ZNF560: variants seen among roughly 807,000 people sequenced by gnomAD.
The protein encoded by ZNF560 is zinc finger protein 560.
In ZNF560, 54 loss-of-function variants were observed where a neutral mutation model predicts 81.8. The observed-to-expected ratio is 0.66, with a 90% confidence interval of 0.53 to 0.83. ZNF560 has a LOEUF of 0.83. Ranked by LOEUF, ZNF560 falls within the 40% of genes least tolerant of loss-of-function variation. The probability of loss-of-function intolerance (pLI) is 0.00; values close to 1 mark genes in which losing one functional copy is unlikely to be tolerated. For synonymous variants in ZNF560, 321 were observed against 317.9 expected (o/e 1.01, Z -0.10); for missense variants, 940 against 932.4 (o/e 1.01, Z -0.11).
At chr19:9,480,483 A>G (rs148374099) in intron 2 of ZNF560, among the ~76,000 whole-genome samples, 4 of 152,182 alleles carry the variant, frequency 2.6e-5, no homozygotes, top group Admixed American at 6.5e-5. Flanking sequence ...CACCTTGAGG[A>G]CTTAGAAGAA....
At position 9,466,481 on chromosome 19, in the gene ZNF560, T is replaced by C. The variant is rs540153983; in HGVS notation, c.*93A>G. 7 of 1,156,708 alleles carry C rather than the reference T, an allele frequency of 6.1e-6. No individual in the cohort carries two copies. The highest frequency in any genetic ancestry group is 8.6e-6 in the Non-Finnish European group (7 of 810,536). The allele number at this position is 1,156,708 out of a possible 1,614,324, so 71.7% of individuals were successfully genotyped here. On this transcript the variant is annotated 3_prime_UTR_variant, in exon 10 of 10. Coordinates refer to ENST00000301480, the MANE Select transcript of ZNF560 (RefSeq NM_152476.3). ...TTTCTCACATTCCTTACATTGATAG[T>C]GTTACTTTCTCCTGTGAATTTTTAC...
chr19:9,498,966 C>T (rs1317752493), upstream of ZNF560, among the ~76,000 whole-genome samples: 1 of 152,154 alleles, frequency 6.6e-6, no homozygotes, highest in South Asian at 2.1e-4. Flanking sequence ...TTCCTGGACC[C>T]CTTTCAGGAT....
chr19:9,470,099 G>C (rs76012838), intron 7 of ZNF560, among the ~76,000 whole-genome samples: 2,689 of 152,208 alleles, frequency 0.018, 80 homozygotes, highest in African/African-American at 0.061. Context: ...TTACTCATCT[G>C]AATACAGGGC....
At chr19:9,452,349 C>A in the ZNF560 span, among the ~76,000 whole-genome samples, 1 of 152,014 alleles carries the variant, frequency 6.6e-6, no homozygotes, top group Non-Finnish European at 1.5e-5. Flanking sequence ...GGAGACTTCT[C>A]AAAAGAACTT....
the ZNF560 span, among the ~76,000 whole-genome samples, chr19:9,448,226 G>GTT: frequency 3.4e-5 from 5 of 147,632 alleles, no homozygotes; most frequent in Middle Eastern, 3.5e-3. Context: ...GTGTGCGTGT[G>GTT]GCGGGGGGTT....
At chr19:9,496,871 G>A (rs2073567165) in intron 2 of ZNF560, among the ~76,000 whole-genome samples, 1 of 151,888 alleles carries the variant, frequency 6.6e-6, no homozygotes. Context: ...GGGAGGCAGA[G>A]GTTGCAGTAA....
At chr19:9,486,751 GAAGAA>G (rs1250526681) in intron 2 of ZNF560, among the ~76,000 whole-genome samples, 32 of 136,578 alleles carry the variant, frequency 2.3e-4, no homozygotes, top group East Asian at 5.9e-4. Context: ...AAAAAAAAAA[GAAGAA>G]AAGAAAAAAA....
intron 2 of ZNF560, among the ~76,000 whole-genome samples, chr19:9,480,818 G>C (rs577114765): frequency 1.3e-5 from 2 of 152,184 alleles, no homozygotes; most frequent in South Asian, 4.1e-4. Flanking sequence ...GGGCATGGTG[G>C]CTCACACCTG....
chr19:9,450,088 C>A, the ZNF560 span, among the ~76,000 whole-genome samples: 1 of 150,610 alleles, frequency 6.6e-6, no homozygotes, highest in African/African-American at 2.4e-5. Flanking sequence ...GTCAGGAGTT[C>A]AAGACTAGCC....
the ZNF560 span, among the ~76,000 whole-genome samples, chr19:9,457,724 T>C: frequency 6.6e-6 from 1 of 152,230 alleles, no homozygotes; most frequent in Non-Finnish European, 1.5e-5. Context: ...TAGCCATATG[T>C]AGGATCAATA....
At chr19:9,469,920 C>T (rs7257034) in intron 7 of ZNF560, 60,195 of 539,726 alleles carry the variant, frequency 0.11, 5,172 homozygotes, top group African/African-American at 0.31. Flanking sequence ...CCCCAAGAAA[C>T]AAGCACTAGC....
At chr19:9,474,368 T>C in intron 3 of ZNF560, 43 bp from the exon 4 acceptor site, 1 of 1,574,834 alleles carries the variant, frequency 6.3e-7, no homozygotes, top group South Asian at 1.2e-5. Flanking sequence ...AGTAACAGAT[T>C]AACCAGTGTT....
the ZNF560 span, among the ~76,000 whole-genome samples, chr19:9,454,359 G>A: frequency 3.6e-4 from 55 of 152,314 alleles, no homozygotes; most frequent in Admixed American, 6.5e-4. Context: ...AGCACCGCTG[G>A]GTTGAGGTCT....
upstream of ZNF560, among the ~76,000 whole-genome samples, chr19:9,500,995 T>A (rs1047800250): frequency 1.3e-5 from 2 of 152,162 alleles, no homozygotes; most frequent in African/African-American, 4.8e-5. Flanking sequence ...TTACATTTTT[T>A]AAATTTCCTT....
chr19:9,446,431 T>C, the ZNF560 span, among the ~76,000 whole-genome samples: 3 of 150,766 alleles, frequency 2.0e-5, no homozygotes, highest in Non-Finnish European at 2.9e-5. Context: ...TGCATTCTCT[T>C]GTTACTTCTG....
the ZNF560 span, among the ~76,000 whole-genome samples, chr19:9,450,188 G>A: frequency 6.6e-6 from 1 of 151,528 alleles, no homozygotes; most frequent in Non-Finnish European, 1.5e-5. Flanking sequence ...CTACTCGGAA[G>A]GCTGAGGCAG....
At chr19:9,478,156 AAAT>A (rs2073231518) in intron 2 of ZNF560, among the ~76,000 whole-genome samples, 2 of 152,186 alleles carry the variant, frequency 1.3e-5, no homozygotes, top group African/African-American at 4.8e-5. Context: ...AAAAAGATGC[AAAT>A]CACATATGAA....
chr19:9,472,126 G>T (rs2073132671), intron 5 of ZNF560, among the ~76,000 whole-genome samples: 1 of 145,310 alleles, frequency 6.9e-6, no homozygotes, highest in Non-Finnish European at 1.5e-5. Context: ...AAAAAAAAAA[G>T]TTCCCTCATT....
intron 2 of ZNF560, among the ~76,000 whole-genome samples, chr19:9,481,393 A>T (rs2073287097): frequency 6.6e-6 from 1 of 152,240 alleles, no homozygotes; most frequent in Non-Finnish European, 1.5e-5. Context: ...CACCAAAAGC[A>T]ATGGCAACAA....
Sources: allele counts gnomAD v4.1 joint callset (sites outside exome capture counted in the v4.1 genomes callset), GRCh38; gene constraint gnomAD v4.1.1; transcripts MANE v1.5; gene names NCBI Gene and HGNC (gene_info 2026-07-23, HGNC 2026-07-21).